The following ESF1 variants were observed in gnomAD, a reference collection of about 807,000 sequenced individuals.
ESF1 encodes ESF1 homolog.
In ESF1, 58 loss-of-function variants were observed where a neutral mutation model predicts 92.0. The ratio of observed to expected loss-of-function variants is 0.63; its 90% CI spans 0.51 to 0.78. ESF1 has a LOEUF of 0.78. Ranked by LOEUF, ESF1 falls within the 30% of genes least tolerant of loss-of-function variation. The probability of loss-of-function intolerance (pLI) is 0.00; values close to 1 mark genes in which losing one functional copy is unlikely to be tolerated. For missense variants in ESF1, 922 were observed against 989.1 expected (o/e 0.93, Z 0.91); for synonymous variants, 321 against 313.7 (o/e 1.02, Z -0.24).
chr20:13,719,842 A>G (rs2049855443), intron 11 of ESF1, among the ~76,000 whole-genome samples: 1 of 152,202 alleles, frequency 6.6e-6, no homozygotes, highest in African/African-American at 2.4e-5. Flanking sequence ...GAAAAAACTT[A>G]TCTTTATAAT....
chr20:13,754,217 A>T (rs1978773815), intron 9 of ESF1, among the ~76,000 whole-genome samples: 1 of 152,200 alleles, frequency 6.6e-6, no homozygotes. Flanking sequence ...TCCAATGGTC[A>T]TTCTCAGCCT....
At chr20:13,748,541 T>G in intron 9 of ESF1, among the ~76,000 whole-genome samples, 1 of 52,584 alleles carries the variant, frequency 1.9e-5, no homozygotes, top group Non-Finnish European at 3.5e-5. Context: ...CACATATATA[T>G]GTGTGTGTAT....
intron 8 of ESF1, among the ~76,000 whole-genome samples, chr20:13,762,555 G>A (rs1979244935): frequency 6.6e-6 from 1 of 152,128 alleles, no homozygotes; most frequent in African/African-American, 2.4e-5. Context: ...GCTCTAAAAT[G>A]TGGGATAAGT....
In ESF1 at chr20:13,776,101, G is replaced by A. The variant is rs140396997; in HGVS notation, c.807C>T (p.Asp269=). Reference sequence around the variant, plus strand: ...CCTCTTCATCATCTTCACTTCCATCGTCATCACCTGAAGCTCTACCAACAC... The same window carrying A: ...CCTCTTCATCATCTTCACTTCCATCATCATCACCTGAAGCTCTACCAACAC... ...ITSVGRASGD[D]DGSEDDEEED... is the part of the protein sequence containing the mutation. Residue 269 remains aspartate, a synonymous_variant, in exon 3 of 14, where the codon GAC becomes GAT. Transcript: ENST00000617257. 16 of 1,612,968 alleles carry A rather than the reference G, an allele frequency of 9.9e-6. No homozygotes were observed. Among genetic ancestry groups the A allele is most frequent in the African/African-American group, 8.0e-5 (6 of 74,598 alleles).
At chr20:13,729,644 T>C (rs2049928361) in intron 10 of ESF1, among the ~76,000 whole-genome samples, 1 of 152,212 alleles carries the variant, frequency 6.6e-6, no homozygotes, top group Non-Finnish European at 1.5e-5. Flanking sequence ...ATTTGTTGGT[T>C]AAAGAAAAGA....
chr20:13,720,339 C>A (rs1377404575), intron 11 of ESF1, among the ~76,000 whole-genome samples: 1 of 152,090 alleles, frequency 6.6e-6, no homozygotes, highest in Admixed American at 6.6e-5. Flanking sequence ...AAATCCCCCG[C>A]TGGGCACTGT....
In ESF1 at chr20:13,737,103, G is replaced by T. The variant is rs2049980309; in HGVS notation, c.1829-3261C>A. 2.0e-5 allele frequency among the ~76,000 whole-genome samples: 3 copies of T among 152,316 alleles called. No homozygotes were observed. The South Asian group carries it at 6.2e-4, about 32-fold the overall frequency. On this transcript the variant is annotated intron_variant, in intron 9 of 13. Transcript: ENST00000617257. ...GAGACAGTTTTAGCCTCTGAGAGCA[G>T]CCACTATGTGACTGAAAAACAACTT... is the stretch of plus-strand genomic sequence containing the variant.
At position 13,769,953 on chromosome 20, in the gene ESF1, G is replaced by A. The variant is rs1180980304; in HGVS notation, c.1472C>T (p.Ala491Val). 1 of 1,612,314 alleles carries A rather than the reference G, an allele frequency of 6.2e-7. No individual in the cohort carries two copies. The highest frequency in any genetic ancestry group is 1.7e-5 in the Admixed American group (1 of 59,942). The change falls in exon 7 of 14, where the codon GCA (alanine) becomes GTA (valine). Residue 491 changes from alanine (A) to valine (V), a missense_variant. Ala to Val is a moderately conservative substitution (Grantham distance 64, BLOSUM62 0). Coordinates refer to ENST00000617257, the MANE Select transcript of ESF1 (RefSeq NM_001276380.2). ...AGAAGTGAAATATTTTGGTTTATAT[G>A]CTGTTAAATTCACTTCTGAGGCTAC... ...KDVASEVNLT[A>V]YKPKYFTSAA...
chr20:13,783,218 T>C (rs1035372387), intron 1 of ESF1, 35 bp from the exon 2 acceptor site: 5 of 1,365,574 alleles, frequency 3.7e-6, no homozygotes, highest in African/African-American at 1.5e-5. Flanking sequence ...ATGGTAATAA[T>C]GGTTAGTACA....
rs2049815439 is a variant in ESF1, at chr20:13,715,135, C to T, written c.2295G>A (p.Met765Ile). Residue 765 changes from methionine (M) to isoleucine (I), a missense_variant, in exon 14 of 14, where the codon ATG (methionine) becomes ATA (isoleucine). Coordinates refer to ENST00000617257, the MANE Select transcript of ESF1 (RefSeq NM_001276380.2). The stretch of plus-strand genomic sequence containing the variant: ...CCAAATTGAACAAGTGGGAAGTGTA[C>T]ATTGCCTGAAACCGTGCATCGTTAA... ...VNVNDARFQA[M>I]YTSHLFNLDP... The T allele has an allele frequency of 1.2e-6, 2 of 1,605,334 alleles. No homozygotes were observed. The highest frequency in any genetic ancestry group is 1.3e-5 in the African/African-American group (1 of 74,148).
At position 13,715,009 on chromosome 20, in the gene ESF1, T is replaced by C. The variant is rs2049813874; in HGVS notation, c.2421A>G (p.Ala807=). The change falls in exon 14 of 14, where the codon GCA becomes GCG. Residue 807 remains alanine (A), a synonymous_variant. Coordinates refer to ENST00000617257, the MANE Select transcript of ESF1 (RefSeq NM_001276380.2). ...CAATCTCACTCTCTTTTTTCTTTAT[T>C]GCCTGAGTAAGTTCTTGTTCTTTCC... ...RERKEQELTQ[A]IKKKESEIEK... 1 of 1,613,982 alleles carries C rather than the reference T, an allele frequency of 6.2e-7. No homozygotes were observed. The highest frequency in any genetic ancestry group is 8.5e-7 in the Non-Finnish European group (1 of 1,180,030).
At chr20:13,717,672 A>G (rs547993597) in intron 12 of ESF1, among the ~76,000 whole-genome samples, 158 bp from the exon 13 acceptor site, 11 of 152,322 alleles carry the variant, frequency 7.2e-5, no homozygotes. Context: ...GTGGATTACC[A>G]AAACAAAGAG....
intron 12 of ESF1, among the ~76,000 whole-genome samples, chr20:13,718,459 A>AT (rs1364906794): frequency 1.3e-5 from 2 of 152,212 alleles, no homozygotes; most frequent in African/African-American, 4.8e-5. Context: ...CAAGAATGTA[A>AT]TTTTGTACGT....
chr20:13,762,990 A>G (rs1215445268), intron 8 of ESF1: 2 of 234,446 alleles, frequency 8.5e-6, no homozygotes, highest in East Asian at 1.6e-4. Context: ...CCTCCAGAGT[A>G]GCTGGGACTA....
At chr20:13,731,884 G>A (rs1012342660) in intron 10 of ESF1, among the ~76,000 whole-genome samples, 2 of 152,240 alleles carry the variant, frequency 1.3e-5, no homozygotes, top group Non-Finnish European at 2.9e-5. Context: ...CTTCTGGATA[G>A]CTGGACACAT....
intron 10 of ESF1, 48 bp downstream of exon 10, chr20:13,733,673 T>C (rs2049957917): frequency 6.4e-7 from 1 of 1,559,034 alleles, no homozygotes. Context: ...TACCATCTGA[T>C]ATATGGTTGG....
At chr20:13,778,923 G>T (rs553705352) in intron 2 of ESF1, among the ~76,000 whole-genome samples, 25 of 152,130 alleles carry the variant, frequency 1.6e-4, no homozygotes, top group Non-Finnish European at 3.1e-4. Flanking sequence ...GGGTGCACCT[G>T]TGGTCCCAGT....
At chr20:13,731,388 C>T (rs886257243) in intron 10 of ESF1, among the ~76,000 whole-genome samples, 9 of 151,760 alleles carry the variant, frequency 5.9e-5, no homozygotes, top group East Asian at 1.9e-4. Flanking sequence ...CAAAATTAGC[C>T]GGGTGTGGTG....
chr20:13,750,955 C>T (rs1056421346), intron 9 of ESF1, among the ~76,000 whole-genome samples: 5 of 152,162 alleles, frequency 3.3e-5, no homozygotes, highest in African/African-American at 7.2e-5. Context: ...GGCAACAGAA[C>T]AAGACCTTGT....
Sources: gnomAD v4.1 joint callset for allele counts (sites outside exome capture counted in the v4.1 genomes callset) on GRCh38, gnomAD v4.1.1 for gene constraint, MANE v1.5 for transcripts, NCBI Gene and HGNC (gene_info 2026-07-23, HGNC 2026-07-21) for gene names.